SLC39A12: variants seen among roughly 807,000 people sequenced by gnomAD.
SLC39A12 encodes the protein solute carrier family 39 member 12.
A neutral mutation model predicts 71.1 loss-of-function variants in SLC39A12; 63 were observed. The observed-to-expected ratio is 0.89, with a 90% CI of 0.72 to 1.09. SLC39A12 has a LOEUF of 1.09. SLC39A12 is among the 50% of genes least tolerant of loss of function. The pLI, the probability that SLC39A12 is intolerant of heterozygous loss-of-function variation, is 0.00. For synonymous variants in SLC39A12, 351 were observed against 301.3 expected (o/e 1.16, Z -1.71); for missense variants, 892 against 812.6 (o/e 1.10, Z -1.19).
At chr10:17,954,243 G>T (rs782094636) in intron 2 of SLC39A12, among the ~76,000 whole-genome samples, 2 of 152,084 alleles carry the variant, frequency 1.3e-5, no homozygotes, top group Non-Finnish European at 2.9e-5. Flanking sequence ...GTCTCTCCAG[G>T]TTATTATTTA....
intron 9 of SLC39A12, 126 bp downstream of exon 9, chr10:17,993,417 T>A: frequency 1.4e-6 from 1 of 709,146 alleles, no homozygotes; most frequent in Non-Finnish European, 2.3e-6. Flanking sequence ...GGTTCTTAAC[T>A]GTGATAAATA....
At chr10:17,970,533 AT>A (rs1834940397) in intron 4 of SLC39A12, among the ~76,000 whole-genome samples, 1 of 151,720 alleles carries the variant, frequency 6.6e-6, no homozygotes, top group Non-Finnish European at 1.5e-5. Flanking sequence ...ATTTAATTTT[AT>A]TTGTGGCTAT....
intron 6 of SLC39A12, among the ~76,000 whole-genome samples, chr10:17,983,754 C>T (rs767731643): frequency 1.3e-5 from 2 of 152,040 alleles, no homozygotes; most frequent in Non-Finnish European, 2.9e-5. Flanking sequence ...TGCACTCCAG[C>T]CTGGGCGACA....
chr10:17,991,187 G>T lies in SLC39A12; in HGVS notation c.1306G>T (p.Gly436Trp), dbSNP rs1366886781. ...GLHKQEAPEF[G>W]HFHESKGHIW... ...ACATAAGCAGGAAGCCCCAGAATTT[G>T]GGCATTTCCATGAAAGCAAAGGTCA... Residue 436 changes from glycine to tryptophan, a missense_variant, in exon 8 of 13, where the codon GGG (glycine) becomes TGG (tryptophan). Coordinates refer to ENST00000377369, the MANE Select transcript of SLC39A12 (RefSeq NM_001145195.2). 2 of 1,559,980 alleles carry T rather than the reference G, an allele frequency of 1.3e-6. No individual in the cohort carries two copies. Among genetic ancestry groups the T allele is most frequent in the African/African-American group, 1.4e-5 (1 of 71,030 alleles).
chr10:18,032,759 C>A (rs1036978953), intron 12 of SLC39A12, among the ~76,000 whole-genome samples: 2 of 151,868 alleles, frequency 1.3e-5, no homozygotes, highest in Non-Finnish European at 2.9e-5. Context: ...CAGTTTTTGC[C>A]CATTCAATAT....
At chr10:18,038,274 A>G (rs1837120297) in intron 12 of SLC39A12, among the ~76,000 whole-genome samples, 1 of 152,124 alleles carries the variant, frequency 6.6e-6, no homozygotes, top group Non-Finnish European at 1.5e-5. Context: ...TGACTCTCAT[A>G]AAAGATGCAT....
chr10:18,040,143 A>G (rs1184919201), intron 12 of SLC39A12, among the ~76,000 whole-genome samples: 3 of 152,250 alleles, frequency 2.0e-5, no homozygotes, highest in Admixed American at 2.0e-4. Context: ...TCACTTTACT[A>G]CAAAATTGAA....
intron 12 of SLC39A12, among the ~76,000 whole-genome samples, chr10:18,018,511 T>C (rs888159480): frequency 6.6e-6 from 1 of 152,172 alleles, no homozygotes; most frequent in African/African-American, 2.4e-5. Context: ...ATTTTAGCTA[T>C]AGGTTTTTGT....
chr10:18,009,084 G>A (rs1181037196), intron 12 of SLC39A12, among the ~76,000 whole-genome samples: 2 of 152,092 alleles, frequency 1.3e-5, no homozygotes, highest in Non-Finnish European at 2.9e-5. Flanking sequence ...ATGTAAATGG[G>A]TTATGCCAAG....
chr10:17,995,850 A>C, intron 10 of SLC39A12, 128 bp downstream of exon 10: 1 of 728,154 alleles, frequency 1.4e-6, no homozygotes, highest in East Asian at 2.9e-5. Flanking sequence ...AAAACTTTGC[A>C]ATAGGATTTG....
chr10:18,032,243 A>G lies in SLC39A12; in HGVS notation c.1948-10462A>G, dbSNP rs1276261035. ...GAATCTGTAAATAACCTTGGGCAGT[A>G]TGGCCATTTTCACGATATTGATTCT... On this transcript the variant is annotated intron_variant, in intron 12 of 12. Coordinates refer to ENST00000377369, the MANE Select transcript of SLC39A12 (RefSeq NM_001145195.2). 3.2e-5 allele frequency among the ~76,000 whole-genome samples: 4 copies of G among 124,030 alleles called. No individual in the cohort carries two copies. The South Asian group carries it at 7.8e-4, about 24-fold the overall frequency. 81.4% of individuals were successfully genotyped at this position (124,030 alleles called of 152,430 possible).
At chr10:18,008,843 G>A (rs2497766) in intron 12 of SLC39A12, among the ~76,000 whole-genome samples, 113,000 of 152,072 alleles carry the variant, frequency 0.74, 42,922 homozygotes, top group African/African-American at 0.9. Flanking sequence ...TCTTGCAGCT[G>A]TGTAAGAGCA....
intron 5 of SLC39A12, among the ~76,000 whole-genome samples, chr10:17,980,998 A>G (rs1453548453): frequency 6.6e-6 from 1 of 152,152 alleles, no homozygotes; most frequent in Non-Finnish European, 1.5e-5. Context: ...AGGACATCCT[A>G]AGGCTGCTGG....
At chr10:17,977,733 G>A (rs534882144) in intron 4 of SLC39A12, among the ~76,000 whole-genome samples, 169 bp from the exon 5 acceptor site, 1 of 152,062 alleles carries the variant, frequency 6.6e-6, no homozygotes, top group Non-Finnish European at 1.5e-5. Flanking sequence ...AATCCTTGAC[G>A]CAATGGAAGG....
chr10:17,954,776 C>A (rs531246885), intron 2 of SLC39A12, among the ~76,000 whole-genome samples: 1 of 152,070 alleles, frequency 6.6e-6, no homozygotes, highest in African/African-American at 2.4e-5. Flanking sequence ...AGCTAACAAC[C>A]GTCTCCAAAA....
At chr10:18,020,427 A>G (rs965060732) in intron 12 of SLC39A12, among the ~76,000 whole-genome samples, 1 of 152,096 alleles carries the variant, frequency 6.6e-6, no homozygotes, top group Non-Finnish European at 1.5e-5. Context: ...TGTGATGAAC[A>G]TATGGGTGCA....
At chr10:17,958,674 T>C (rs1449834845) in intron 2 of SLC39A12, among the ~76,000 whole-genome samples, 5 of 152,236 alleles carry the variant, frequency 3.3e-5, no homozygotes, top group Middle Eastern at 3.4e-3. Context: ...CTTATCCGCT[T>C]TAGTCTTGGT....
At chr10:18,000,628 C>T (rs768389325) in intron 10 of SLC39A12, 39 bp from the exon 11 acceptor site, 1 of 1,603,932 alleles carries the variant, frequency 6.2e-7, no homozygotes, top group East Asian at 2.2e-5. Flanking sequence ...ATATGTAGTG[C>T]TCTGTTAATG....
chr10:17,965,481 A>G lies in SLC39A12; in HGVS notation c.544-2A>G, dbSNP rs1252240515. On this transcript the variant is annotated splice_acceptor_variant, in intron 3 of 12. Coordinates refer to ENST00000377369, the MANE Select transcript of SLC39A12 (RefSeq NM_001145195.2). LOFTEE classifies it high-confidence loss of function. Reference sequence around the variant, plus strand: ...TTCTCTTTATTTTGTATCTGATTTCAGTGTATGGAAACCAAAACGCTGCAG... The same window carrying G: ...TTCTCTTTATTTTGTATCTGATTTCGGTGTATGGAAACCAAAACGCTGCAG... 3 of 1,613,440 alleles carry G rather than the reference A, an allele frequency of 1.9e-6. No individual in the cohort carries two copies. The highest frequency in any genetic ancestry group is 2.5e-6 in the Non-Finnish European group (3 of 1,179,536).
Sources: gnomAD v4.1 joint callset for allele counts (sites outside exome capture counted in the v4.1 genomes callset) on GRCh38, gnomAD v4.1.1 for gene constraint, MANE v1.5 for transcripts, NCBI Gene and HGNC (gene_info 2026-07-23, HGNC 2026-07-21) for gene names.